The following RAPGEF3 variants were observed in gnomAD, a reference collection of about 807,000 sequenced individuals.
The protein encoded by RAPGEF3 is Rap guanine nucleotide exchange factor 3, also known as 9330170P05Rik.
Under a neutral mutation model 129.8 loss-of-function variants are expected in RAPGEF3, and 103 were observed. The ratio of observed to expected loss-of-function variants is 0.79; its 90% CI spans 0.68 to 0.93. The LOEUF (loss-of-function observed/expected upper bound fraction) is 0.93, where lower values mean the gene tolerates loss of function less well. RAPGEF3 is among the 40% of genes least tolerant of loss of function. RAPGEF3 has a pLI of 0.00. For synonymous variants in RAPGEF3, 436 were observed against 482.6 expected (o/e 0.90, Z 1.26); for missense variants, 1,117 against 1,207.4 (o/e 0.93, Z 1.11).
chr12:47,758,285 G>T, intron 1 of RAPGEF3: 1 of 1,430,290 alleles, frequency 7.0e-7, no homozygotes, highest in Non-Finnish European at 9.1e-7. Context: ...TCTCCAGCTG[G>T]CTCTTGGAAA....
At chr12:47,744,864 T>C (rs553750242) in intron 16 of RAPGEF3, 3 of 152,504 alleles carry the variant, frequency 2.0e-5, no homozygotes, top group South Asian at 4.1e-4. Context: ...TACTGCCTCA[T>C]GTGTCGCCTG....
Position 47,751,720 on chromosome 12 carries a change from C to T in RAPGEF3, c.380+3G>A. 1 of 1,612,540 alleles carries T rather than the reference C, an allele frequency of 6.2e-7. No homozygotes were observed. The highest frequency in any genetic ancestry group is 8.5e-7 in the Non-Finnish European group (1 of 1,179,934). On this transcript the variant is annotated splice_donor_region_variant and intron_variant, in intron 4 of 27. Transcript: ENST00000449771. ...GCAAGGAGGCAGCAGGGCCTCCACT[C>T]ACCGATAGAGCCTAAGGTGGTACTT...
chr12:47,748,169 G>A lies in RAPGEF3; in HGVS notation c.1244-17C>T, dbSNP rs767875866. The A allele has an allele frequency of 2.6e-6, 4 of 1,550,120 alleles. No homozygotes were observed. The South Asian group carries it at 4.7e-5, about 18-fold the overall frequency. The stretch of plus-strand genomic sequence containing the variant: ...GGAATGTCTCTGTATGACAGGGTGA[G>A]GGGATGGGAGGAGGCTTCAGAGGCC... On this transcript the variant is annotated splice_polypyrimidine_tract_variant and intron_variant, in intron 12 of 27. Transcript: ENST00000449771.
chr12:47,737,210 G>T lies in RAPGEF3; in HGVS notation c.*357C>A, dbSNP rs1328699587. 1 of 279,358 alleles carries T rather than the reference G, an allele frequency of 3.6e-6. No homozygotes were observed. Among genetic ancestry groups the T allele is most frequent in the South Asian group, 4.0e-5 (1 of 25,074 alleles). 17.3% of individuals were successfully genotyped at this position (279,358 alleles called of 1,614,324 possible). On this transcript the variant is annotated 3_prime_UTR_variant, in exon 28 of 28. Transcript: ENST00000449771. ...TGTCCACTGTGAAAATAAACTGCAG[G>T]CCTGGCTGGACAACAAAGCCAGAGG...
At chr12:47,746,610 G>C (rs1188757082) in intron 16 of RAPGEF3, 1 of 704,692 alleles carries the variant, frequency 1.4e-6, no homozygotes, top group African/African-American at 1.8e-5. Context: ...CCTCCCAAAA[G>C]GAATAAAAGG....
At position 47,748,820 on chromosome 12, in the gene RAPGEF3, G is replaced by A. The variant is rs778558248; in HGVS notation, c.1153C>T (p.Arg385Trp). The change falls in exon 11 of 28, where the codon CGG (arginine) becomes TGG (tryptophan). Residue 385 changes from arginine to tryptophan, a missense_variant and splice_region_variant. Around this residue, in one of 3 missense-constraint regions of RAPGEF3, gnomAD observed 107 missense variants for 160.7 expected, o/e 0.67. Coordinates refer to ENST00000449771, the MANE Select transcript of RAPGEF3 (RefSeq NM_001098531.4). ...PSRPPTPGRN[R>W]YTVMSGTPEK... Reference sequence around the variant, plus strand: ...GAGGGAGCATGGCAGGTGTATTACCGGTTCCTGCCTGGGGTTGGGGGTCGG... The same window carrying A: ...GAGGGAGCATGGCAGGTGTATTACCAGTTCCTGCCTGGGGTTGGGGGTCGG... 2.0e-5 allele frequency: 32 copies of A among 1,595,646 alleles called. No homozygotes were observed. The highest frequency in any genetic ancestry group is 6.7e-5 in the East Asian group (3 of 44,758).
At chr12:47,743,821 G>T in intron 17 of RAPGEF3, 145 bp from the exon 18 acceptor site, 1 of 1,370,910 alleles carries the variant, frequency 7.3e-7, no homozygotes, top group Non-Finnish European at 1.0e-6. Context: ...AAAGAGGCAG[G>T]TAGGAGGCAG....
rs371881952 is a variant in RAPGEF3 at position 47,751,127 on chromosome 12, C to G, written c.592G>C (p.Glu198Gln). 6.3e-7 allele frequency: 1 copy of G among 1,576,886 alleles called. No individual in the cohort carries two copies. The highest frequency in any genetic ancestry group is 1.2e-5 in the South Asian group (1 of 85,864). Residue 198 changes from glutamate to glutamine, a missense_variant, in exon 6 of 28, where the codon GAG becomes CAG. Glu to Gln is a conservative substitution (Grantham distance 29). This residue lies in a region of RAPGEF3 where 367 missense variants were observed against 373.4 expected (regional missense o/e 0.98). Coordinates refer to ENST00000449771, the MANE Select transcript of RAPGEF3 (RefSeq NM_001098531.4). ...EPEPVRTHEMEEELAEAVALL... is the reference protein window; with the variant it reads ...EPEPVRTHEMQEELAEAVALL... ...GCCACAGCTTCGGCCAACTCCTCCT[C>G]CATCTCATGAGTTCTCACGGGCTCG...
At position 47,750,020 on chromosome 12, in the gene RAPGEF3, C is replaced by T. The variant is rs375663454; in HGVS notation, c.757-30G>A. The stretch of plus-strand genomic sequence containing the variant: ...GTGGTGGAGATAGGAGAGTCGGTGG[C>T]GACAAGTTCATGTGCAGAGCAGCCA... On this transcript the variant is annotated intron_variant, in intron 7 of 27. Transcript: ENST00000449771. 81 of 1,613,686 alleles carry T rather than the reference C, an allele frequency of 5.0e-5. No individual in the cohort carries two copies. The African/African-American group carries it at 8.8e-4, about 18-fold the overall frequency.
intron 24 of RAPGEF3, 108 bp from the exon 25 acceptor site, chr12:47,738,862 G>A: frequency 9.9e-7 from 1 of 1,011,056 alleles, no homozygotes; most frequent in Non-Finnish European, 1.6e-6. Flanking sequence ...ACCCCATAGA[G>A]CCCCTGCCTC....
Position 47,751,116 on chromosome 12 carries a change from C to T in RAPGEF3, c.603G>A (p.Leu201=), listed in dbSNP as rs1454070440. The change falls in exon 6 of 28, where the codon TTG becomes TTA. Residue 201 remains leucine (L), a synonymous_variant. Transcript: ENST00000449771. ...GGGAGAGCAGGGCCACAGCTTCGGCCAACTCCTCCTCCATCTCATGAGTTC... is the reference window on the plus strand; with the variant it reads ...GGGAGAGCAGGGCCACAGCTTCGGCTAACTCCTCCTCCATCTCATGAGTTC... ...PVRTHEMEEE[L]AEAVALLSQR... is the part of the protein sequence containing the mutation. 8.2e-6 allele frequency: 13 copies of T among 1,580,648 alleles called. No homozygotes were observed. The highest frequency in any genetic ancestry group is 1.7e-4 in the Middle Eastern group (1 of 6,020).
In RAPGEF3 at chr12:47,740,973, T is replaced by C; in HGVS notation, c.1991A>G (p.Lys664Arg). The change falls in exon 20 of 28, where the codon AAG (lysine) becomes AGG (arginine). Residue 664 changes from lysine to arginine, a missense_variant. By Grantham distance (26) the Lys-to-Arg change is conservative (BLOSUM62 2). Transcript: ENST00000449771. Reference protein sequence around the residue: ...SAEGLDLVSAKDLAGQLTDHD... With the variant: ...SAEGLDLVSARDLAGQLTDHD... ...GTCCGTCAGCTGGCCTGCCAGGTCCTTGGCACTCACCAGGTCCAGCCCCTC... is the reference window on the plus strand; with the variant it reads ...GTCCGTCAGCTGGCCTGCCAGGTCCCTGGCACTCACCAGGTCCAGCCCCTC... 1 of 1,613,780 alleles carries C rather than the reference T, an allele frequency of 6.2e-7. No homozygotes were observed.
intron 23 of RAPGEF3, 113 bp from the exon 24 acceptor site, chr12:47,739,343 T>A: frequency 2.4e-6 from 2 of 830,548 alleles, no homozygotes; most frequent in Non-Finnish European, 4.1e-6. Flanking sequence ...AGGCCCCAAC[T>A]CAGCCTCTCC....
intron 2 of RAPGEF3, among the ~76,000 whole-genome samples, chr12:47,755,212 G>T (rs1273195208): frequency 6.6e-6 from 1 of 152,166 alleles, no homozygotes; most frequent in Non-Finnish European, 1.5e-5. Context: ...TAGCAGCTGC[G>T]TAACTCTGAA....
chr12:47,749,632 G>A lies in RAPGEF3; in HGVS notation c.895-96C>T. The A allele has an allele frequency of 6.4e-7, 1 of 1,570,954 alleles. No individual in the cohort carries two copies. Among genetic ancestry groups the A allele is most frequent in the Non-Finnish European group, 8.6e-7 (1 of 1,157,824 alleles). ...CACGGCAGGAGAACAACCCACACAG[G>A]AGACACGGGGTCAGCAGCAGTAGAT... On this transcript the variant is annotated intron_variant, in intron 9 of 27. Transcript: ENST00000449771. The surrounding 1 kb of genome is among the most constrained non-coding windows in gnomAD (Gnocchi z 4.5).
chr12:47,747,836 C>T lies in RAPGEF3; in HGVS notation c.1349G>A (p.Ser450Asn), dbSNP rs758639779. ...HHFHVEPAGG[S>N]EQERSTYVCN... ...GACGTAGGTGCTGCGCTCCTGCTCG[C>T]TGCCACCCGCAGGCTCCACATGGAA... Residue 450 changes from serine to asparagine, a missense_variant, in exon 14 of 28, where the codon AGC (serine) becomes AAC (asparagine). By Grantham distance (46) the Ser-to-Asn change is conservative. Transcript: ENST00000449771. 6 of 1,604,368 alleles carry T rather than the reference C, an allele frequency of 3.7e-6. No individual in the cohort carries two copies. In the African/African-American group the frequency reaches 4.0e-5, roughly 11 times the overall value.
intron 22 of RAPGEF3, 30 bp from the exon 23 acceptor site, chr12:47,740,221 T>C: frequency 6.2e-7 from 1 of 1,613,262 alleles, no homozygotes; most frequent in Non-Finnish European, 8.5e-7. Context: ...GAGCGGCTGC[T>C]CTGGGGGAGG....
rs531370021 is a variant in RAPGEF3 at position 47,746,704 on chromosome 12, TGCAGCAAGG to T, written c.1596+147_1596+155del. 1.2e-3 allele frequency: 1,094 copies of T among 923,240 alleles called. 12 individuals are homozygous for T. In the African/African-American group the frequency reaches 0.017, roughly 14 times the overall value. The allele number at this position is 923,240 out of a possible 1,614,324, so 57.2% of individuals were successfully genotyped here. A position where few individuals can be genotyped will look rare whatever the true frequency, so the allele number is the denominator to read the frequency against. The stretch of plus-strand genomic sequence containing the variant: ...GCACGGCCTGGCCCAGGGCACCACA[TGCAGCAAGG>T]GCCCCGTGAACACCTATCAGAGACC... On this transcript the variant is annotated intron_variant, in intron 16 of 27. Transcript: ENST00000449771.
intron 18 of RAPGEF3, 62 bp from the exon 19 acceptor site, chr12:47,741,664 T>TG: frequency 7.1e-7 from 1 of 1,401,468 alleles, no homozygotes; most frequent in Non-Finnish European, 1.0e-6. Flanking sequence ...ACCAGCTGGA[T>TG]GCCAGGGTGG....
Sources: allele counts gnomAD v4.1 joint callset (sites outside exome capture counted in the v4.1 genomes callset), GRCh38; gene constraint gnomAD v4.1.1; regional missense constraint gnomAD v4.1.1; non-coding constraint Gnocchi (gnomAD v3.1); transcripts MANE v1.5; gene names NCBI Gene and HGNC (gene_info 2026-07-23, HGNC 2026-07-21).